ALCAM: variants seen among roughly 807,000 people sequenced by gnomAD.
The protein encoded by ALCAM is CD166 antigen.
ALCAM carries 30 observed loss-of-function variants against 70.9 expected under a neutral mutation model. The ratio of observed to expected loss-of-function variants is 0.42; its 90% CI spans 0.32 to 0.57. ALCAM has a LOEUF of 0.57. Ranked by LOEUF, ALCAM falls within the 20% of genes least tolerant of loss-of-function variation. ALCAM has a pLI of 0.11. For synonymous variants in ALCAM, 249 were observed against 242.5 expected (o/e 1.03, Z -0.25); for missense variants, 591 against 695.1 (o/e 0.85, Z 1.68).
chr3:105,409,949 A>C (rs1576144090), intron 1 of ALCAM, among the ~76,000 whole-genome samples: 1 of 152,162 alleles, frequency 6.6e-6, no homozygotes, highest in East Asian at 1.9e-4. Context: ...ATGCTCCATG[A>C]GAGAGGTACT....
chr3:105,511,840 A>G lies in ALCAM; in HGVS notation c.74-8227A>G, dbSNP rs192913144. 2.8e-3 allele frequency among the ~76,000 whole-genome samples: 431 copies of G among 151,980 alleles called. 1 individual carries two copies. Among genetic ancestry groups the G allele is most frequent in the Non-Finnish European group, 4.9e-3 (334 of 67,878 alleles). On this transcript the variant is annotated intron_variant, in intron 1 of 15. Coordinates refer to ENST00000306107, the MANE Select transcript of ALCAM (RefSeq NM_001627.4). ...ACCAGAAGCTAGCATACCGGACTAG[A>G]TCACTCAACCAATTCAGAAGCAGAA...
At chr3:105,426,800 A>C (rs1311169268) in intron 1 of ALCAM, among the ~76,000 whole-genome samples, 1 of 151,902 alleles carries the variant, frequency 6.6e-6, no homozygotes, top group Non-Finnish European at 1.5e-5. Flanking sequence ...GTTCCTTTGG[A>C]CATAAGTATG....
chr3:105,539,863 A>T, intron 6 of ALCAM, 112 bp from the exon 7 acceptor site: 1 of 1,114,056 alleles, frequency 9.0e-7, no homozygotes, highest in Non-Finnish European at 1.2e-6. Context: ...TTAAGCAATT[A>T]CCATTACTAG....
chr3:105,376,920 A>G (rs749256000), intron 1 of ALCAM, among the ~76,000 whole-genome samples: 14 of 152,198 alleles, frequency 9.2e-5, no homozygotes, highest in Admixed American at 2.0e-4. Flanking sequence ...GGTTGAGGCA[A>G]AAACCAAGGA....
chr3:105,527,360 G>A (rs1356354817), intron 3 of ALCAM, among the ~76,000 whole-genome samples: 2 of 152,094 alleles, frequency 1.3e-5, no homozygotes, highest in Non-Finnish European at 2.9e-5. Context: ...TACTTTATGA[G>A]ATCTGCTGCT....
chr3:105,547,971 G>T (rs1021373118), intron 11 of ALCAM, among the ~76,000 whole-genome samples: 5 of 151,386 alleles, frequency 3.3e-5, no homozygotes, highest in Admixed American at 6.6e-5. Flanking sequence ...CTATGTCCTC[G>T]TGTAGGAATG....
chr3:105,450,053 G>C (rs1937390390), intron 1 of ALCAM, among the ~76,000 whole-genome samples: 1 of 152,102 alleles, frequency 6.6e-6, no homozygotes, highest in Non-Finnish European at 1.5e-5. Context: ...TGTGCTGTAT[G>C]TTTACTACTT....
chr3:105,390,314 T>C (rs1012016539), intron 1 of ALCAM, among the ~76,000 whole-genome samples: 3 of 152,244 alleles, frequency 2.0e-5, no homozygotes, highest in Non-Finnish European at 4.4e-5. Flanking sequence ...TGGTATCTCA[T>C]TGTGGTTTTG....
chr3:105,547,226 T>A lies in ALCAM; in HGVS notation c.1182T>A (p.Thr394=), dbSNP rs1463972782. Residue 394 remains threonine (T), a synonymous_variant, in exon 10 of 16, where the codon ACT becomes ACA. Transcript: ENST00000306107. Reference sequence around the variant, plus strand: ...ATGCTGGAAACTATGTCTGCGAAACTGCTCTGCAGGAGGTTGAAGGACTAA... The same window carrying A: ...ATGCTGGAAACTATGTCTGCGAAACAGCTCTGCAGGAGGTTGAAGGACTAA... ...YQDAGNYVCE[T]ALQEVEGLKK... is the part of the protein sequence containing the mutation. 2 of 1,608,536 alleles carry A rather than the reference T, an allele frequency of 1.2e-6. No homozygotes were observed.
intron 1 of ALCAM, among the ~76,000 whole-genome samples, chr3:105,376,352 T>C (rs932154731): frequency 6.6e-6 from 1 of 152,198 alleles, no homozygotes; most frequent in African/African-American, 2.4e-5. Context: ...TCAGTTTCAT[T>C]TGCGCCTAAA....
At position 105,571,900 on chromosome 3, in the gene ALCAM, C is replaced by T. The variant is rs1430620811; in HGVS notation, c.1713C>T (p.Asn571=). The T allele has an allele frequency of 1.2e-6, 2 of 1,613,122 alleles. No individual in the cohort carries two copies. The highest frequency in any genetic ancestry group is 2.7e-5 in the African/African-American group (2 of 74,872). Residue 571 remains asparagine, a synonymous_variant, in exon 15 of 16, where the codon AAC becomes AAT. Coordinates refer to ENST00000306107, the MANE Select transcript of ALCAM (RefSeq NM_001627.4). ...AGGACCTCGGTAATATGGAAGAAAA[C>T]AAAAAGTTAGAAGAAAACAATCACA... ...VNKDLGNMEE[N]KKLEENNHKT...
At chr3:105,435,448 A>G (rs1024031073) in intron 1 of ALCAM, among the ~76,000 whole-genome samples, 2 of 152,206 alleles carry the variant, frequency 1.3e-5, no homozygotes, top group Non-Finnish European at 2.9e-5. Flanking sequence ...TTTTCTTTCC[A>G]TTGCTATCAT....
intron 1 of ALCAM, among the ~76,000 whole-genome samples, chr3:105,445,398 A>G (rs1167459448): frequency 6.6e-6 from 1 of 152,202 alleles, no homozygotes; most frequent in Non-Finnish European, 1.5e-5. Context: ...TAAAATGTCC[A>G]TACTATTCAA....
intron 1 of ALCAM, among the ~76,000 whole-genome samples, chr3:105,494,185 G>A (rs967918573): frequency 1.3e-5 from 2 of 152,094 alleles, no homozygotes; most frequent in African/African-American, 4.8e-5. Context: ...CCAATGGGGG[G>A]GAAAAAGCTA....
chr3:105,424,783 G>T (rs1936748579), intron 1 of ALCAM, among the ~76,000 whole-genome samples: 1 of 151,730 alleles, frequency 6.6e-6, no homozygotes, highest in African/African-American at 2.4e-5. Flanking sequence ...ATAAAACCAT[G>T]TCCAGAAAAC....
intron 1 of ALCAM, among the ~76,000 whole-genome samples, chr3:105,484,866 C>A (rs1482171135): frequency 6.6e-6 from 1 of 152,018 alleles, no homozygotes; most frequent in Non-Finnish European, 1.5e-5. Context: ...GTTAGTGAAC[C>A]AGTACATGCT....
chr3:105,533,781 A>AGG (rs1403377250), intron 5 of ALCAM, 91 bp downstream of exon 5: 25 of 1,230,490 alleles, frequency 2.0e-5, no homozygotes, highest in Admixed American at 1.2e-4. Flanking sequence ...AGTGGTCTCC[A>AGG]ACCTTTTTGG....
chr3:105,524,639 A>G (rs1939649650), intron 3 of ALCAM, 131 bp downstream of exon 3: 1 of 1,430,382 alleles, frequency 7.0e-7, no homozygotes, highest in Non-Finnish European at 9.2e-7. Context: ...ACTTAAAGAG[A>G]TCTTCATTCT....
intron 3 of ALCAM, chr3:105,524,937 TA>T (rs977799120): frequency 6.1e-6 from 6 of 985,656 alleles, no homozygotes; most frequent in Non-Finnish European, 7.2e-6. Context: ...TGCTGCATAA[TA>T]AAAAAATATA....
Sources: allele counts gnomAD v4.1 joint callset (sites outside exome capture counted in the v4.1 genomes callset), GRCh38; gene constraint gnomAD v4.1.1; transcripts MANE v1.5; gene names NCBI Gene and HGNC (gene_info 2026-07-23, HGNC 2026-07-21).